The following GMEB1 variants were observed in gnomAD, a reference collection of about 807,000 sequenced individuals.
The protein encoded by GMEB1 is glucocorticoid modulatory element binding protein 1.
In GMEB1, 6 loss-of-function variants were observed where a neutral mutation model predicts 52.4. The observed-to-expected ratio is 0.11, with a 90% CI of 0.06 to 0.23. GMEB1 has a LOEUF of 0.23. Among genes scored for constraint, GMEB1 ranks in the 10% least tolerant of loss-of-function variants. The probability of loss-of-function intolerance (pLI) is 1.00; values close to 1 mark genes in which losing one functional copy is unlikely to be tolerated. For missense variants in GMEB1, 486 were observed against 685.6 expected, an observed-to-expected ratio of 0.71 and a Z score of 3.25; for synonymous variants, 255 against 244.9, an observed-to-expected ratio of 1.04 and a Z score of -0.38.
chr1:28,703,085 A>G (rs531044893), intron 7 of GMEB1, among the ~76,000 whole-genome samples: 36 of 152,342 alleles, frequency 2.4e-4, no homozygotes, highest in African/African-American at 8.7e-4. Flanking sequence ...AAGACCAGTC[A>G]CAAACAAGTG....
In GMEB1 at chr1:28,687,385, C is replaced by CAA. The variant is rs1489651109; in HGVS notation, c.129-2718_129-2717insAA. On this transcript the variant is annotated intron_variant, in intron 2 of 9. Transcript: ENST00000373816. ...ACACACACACACACACACACACACA[C>CAA]ACAAAAAAAGACAGTGGAGAATAAT... Among the ~76,000 whole-genome samples the CAA allele has an allele frequency of 1.5e-3, 56 of 38,164 alleles. 1 individual carries two copies. Among genetic ancestry groups the CAA allele is most frequent in the East Asian group, 9.3e-3 (6 of 642 alleles). The allele number at this position is 38,164 out of a possible 152,430, so 25.0% of individuals were successfully genotyped here.
intron 5 of GMEB1, among the ~76,000 whole-genome samples, chr1:28,694,406 G>T (rs1430312682): frequency 1.3e-5 from 2 of 151,262 alleles, no homozygotes; most frequent in Non-Finnish European, 2.9e-5. Context: ...ATGTTAGCCA[G>T]GCTGGTCTCG....
At chr1:28,677,027 C>T (rs956849111) in intron 1 of GMEB1, among the ~76,000 whole-genome samples, 9 of 152,242 alleles carry the variant, frequency 5.9e-5, no homozygotes, top group African/African-American at 2.2e-4. Context: ...GAACAGCAGC[C>T]TGGGTGAAAA....
At chr1:28,686,728 T>C (rs1669664876) in intron 2 of GMEB1, among the ~76,000 whole-genome samples, 1 of 152,116 alleles carries the variant, frequency 6.6e-6, no homozygotes, top group Admixed American at 6.6e-5. Flanking sequence ...TTACCAGTCT[T>C]ATTTGAAGCA....
chr1:28,699,175 G>C (rs1670376006), intron 6 of GMEB1, among the ~76,000 whole-genome samples: 1 of 152,176 alleles, frequency 6.6e-6, no homozygotes, highest in Non-Finnish European at 1.5e-5. Flanking sequence ...CCAAGTTGAG[G>C]CTTCCCACAG....
chr1:28,672,234 T>TTTAC (rs1453553798), intron 1 of GMEB1, among the ~76,000 whole-genome samples: 6 of 134,668 alleles, frequency 4.5e-5, no homozygotes, highest in Non-Finnish European at 1.6e-5. Flanking sequence ...TATTTATTTA[T>TTTAC]TTTTGAGACG....
chr1:28,698,919 G>T (rs1181397046), intron 6 of GMEB1, among the ~76,000 whole-genome samples: 2 of 152,096 alleles, frequency 1.3e-5, no homozygotes, highest in Admixed American at 1.3e-4. Flanking sequence ...AGGAGGTGGA[G>T]TTTGCAGTGA....
intron 1 of GMEB1, among the ~76,000 whole-genome samples, chr1:28,681,821 G>C (rs1669403277): frequency 6.6e-6 from 1 of 151,978 alleles, no homozygotes; most frequent in Admixed American, 6.6e-5. Context: ...TCCTGCCTCA[G>C]CCTCTCAAGT....
intron 8 of GMEB1, among the ~76,000 whole-genome samples, chr1:28,706,740 C>A (rs924348185): frequency 2.0e-5 from 3 of 151,760 alleles, no homozygotes; most frequent in African/African-American, 7.3e-5. Flanking sequence ...TCTTGGCTCA[C>A]TGCAACCTCC....
At chr1:28,686,931 A>T (rs781331580) in intron 2 of GMEB1, among the ~76,000 whole-genome samples, 2 of 152,132 alleles carry the variant, frequency 1.3e-5, no homozygotes, top group South Asian at 2.1e-4. Context: ...ATACATTGTG[A>T]TAGGTGTTAT....
At position 28,710,509 on chromosome 1, in the gene GMEB1, G is replaced by C. The variant is rs1301518213; in HGVS notation, c.869-11G>C. ...TTTTAACTGGACAGGCATGTCTTTT[G>C]TTTTAAATAGATGCTGCTGTTCTCA... On this transcript the variant is annotated splice_polypyrimidine_tract_variant and intron_variant, in intron 8 of 9. Transcript: ENST00000373816. The C allele has an allele frequency of 2.0e-5, 32 of 1,592,026 alleles. No individual in the cohort carries two copies. Among genetic ancestry groups the C allele is most frequent in the Non-Finnish European group, 2.7e-5 (32 of 1,170,926 alleles).
intron 1 of GMEB1, among the ~76,000 whole-genome samples, chr1:28,675,257 T>G (rs1458577236): frequency 6.6e-6 from 1 of 151,674 alleles, no homozygotes; most frequent in Non-Finnish European, 1.5e-5. Context: ...GACCTTGTGA[T>G]CCACCTGCCT....
At position 28,719,109 on chromosome 1, in the gene GMEB1, G is replaced by A. The variant is rs1457123137; in HGVS notation, c.*4336G>A. 1 of 152,230 alleles carries A rather than the reference G, an allele frequency of 6.6e-6. No homozygotes were observed. 9.4% of individuals were successfully genotyped at this position (152,230 alleles called of 1,614,324 possible). A position where few individuals can be genotyped will look rare whatever the true frequency, so the allele number is the denominator to read the frequency against. ...AAGTTTCCATCAGATGGGATCCAGT[G>A]TTGAATCCAGTGCAGGACTGGAGTC... On this transcript the variant is annotated 3_prime_UTR_variant, in exon 10 of 10. Coordinates refer to ENST00000373816, the MANE Select transcript of GMEB1 (RefSeq NM_001319674.2).
intron 5 of GMEB1, among the ~76,000 whole-genome samples, chr1:28,696,209 G>T (rs1670201733): frequency 6.6e-6 from 1 of 151,778 alleles, no homozygotes; most frequent in Admixed American, 6.6e-5. Flanking sequence ...TGGGACTACA[G>T]GCCTCAGCTA....
chr1:28,669,696 G>A (rs1188077691), intron 1 of GMEB1, among the ~76,000 whole-genome samples: 2 of 152,120 alleles, frequency 1.3e-5, no homozygotes, highest in African/African-American at 2.4e-5. Flanking sequence ...AGGTGTCTAG[G>A]TGCCTCTTGA....
chr1:28,674,407 T>TTTA (rs1412866545), intron 1 of GMEB1, among the ~76,000 whole-genome samples: 21 of 152,192 alleles, frequency 1.4e-4, no homozygotes, highest in African/African-American at 4.8e-4. Context: ...TATTTATTTA[T>TTTA]TTATTTTTTT....
At chr1:28,698,376 TAAA>T (rs879350824) in intron 6 of GMEB1, among the ~76,000 whole-genome samples, 2 of 137,078 alleles carry the variant, frequency 1.5e-5, no homozygotes, top group Admixed American at 7.4e-5. Context: ...GACTCCGTCT[TAAA>T]AAAAAAAAAA....
intron 2 of GMEB1, among the ~76,000 whole-genome samples, chr1:28,684,420 G>C (rs1310397613): frequency 6.6e-6 from 1 of 151,940 alleles, no homozygotes; most frequent in Non-Finnish European, 1.5e-5. Flanking sequence ...AAAATTAGCT[G>C]GGCGTGGTAG....
chr1:28,709,587 T>C (rs1172548265), intron 8 of GMEB1, among the ~76,000 whole-genome samples: 3 of 151,732 alleles, frequency 2.0e-5, no homozygotes, highest in African/African-American at 7.3e-5. Context: ...AAAAAAAAAT[T>C]TTTTTGAGAT....
Sources: gnomAD v4.1 joint callset for allele counts (sites outside exome capture counted in the v4.1 genomes callset) on GRCh38, gnomAD v4.1.1 for gene constraint, MANE v1.5 for transcripts, NCBI Gene and HGNC (gene_info 2026-07-23, HGNC 2026-07-21) for gene names.